DMXL2: variants seen among roughly 807,000 people sequenced by gnomAD.
DMXL2 encodes the protein dmX-like protein 2.
Under a neutral mutation model 331.1 loss-of-function variants are expected in DMXL2, and 103 were observed. The observed-to-expected ratio is 0.31, with a 90% CI of 0.27 to 0.37. DMXL2 has a LOEUF of 0.37. DMXL2 is among the 10% of genes least tolerant of loss of function. The pLI is 1.00. For missense variants in DMXL2, 3,171 were observed against 3,642.9 expected (o/e 0.87, Z 3.33); for synonymous variants, 1,281 against 1,252.1 (o/e 1.02, Z -0.49).
At chr15:51,492,866 A>G (rs1490667829) in intron 19 of DMXL2, among the ~76,000 whole-genome samples, 1 of 152,192 alleles carries the variant, frequency 6.6e-6, no homozygotes, top group African/African-American at 2.4e-5. Context: ...TGTTACACAT[A>G]ATTTTTTCCA....
intron 1 of DMXL2, among the ~76,000 whole-genome samples, chr15:51,581,006 G>A (rs2051372637): frequency 6.6e-6 from 1 of 152,118 alleles, no homozygotes; most frequent in Non-Finnish European, 1.5e-5. Flanking sequence ...GTGCGAATGT[G>A]TTTCTTTTCT....
intron 13 of DMXL2, among the ~76,000 whole-genome samples, chr15:51,532,026 T>C (rs578192995): frequency 1.3e-5 from 2 of 152,202 alleles, no homozygotes; most frequent in Non-Finnish European, 2.9e-5. Flanking sequence ...GCTGGGCACA[T>C]ACCCAAAAGA....
intron 3 of DMXL2, among the ~76,000 whole-genome samples, chr15:51,566,188 G>A (rs2050257433): frequency 6.6e-6 from 1 of 151,082 alleles, no homozygotes; most frequent in South Asian, 2.1e-4. Context: ...TTCCAGCCTG[G>A]GTCACAGAGC....
chr15:51,622,621 G>T lies in DMXL2; in HGVS notation c.-76C>A. On this transcript the variant is annotated 5_prime_UTR_variant, in exon 1 of 44. Transcript: ENST00000560891. ...GCCTGACCCTCCTCGGGCTGCGAGA[G>T]CCGTTTCCCTCTGTGCCTCCCTCGG... 1 of 1,492,472 alleles carries T rather than the reference G, an allele frequency of 6.7e-7. No individual in the cohort carries two copies. Among genetic ancestry groups the T allele is most frequent in the Non-Finnish European group, 9.0e-7 (1 of 1,115,594 alleles). The allele number at this position is 1,492,472 out of a possible 1,614,324, so 92.5% of individuals were successfully genotyped here.
chr15:51,583,106 C>CTTTTTTTTTTTTTTTTTT (rs57226377), intron 1 of DMXL2, among the ~76,000 whole-genome samples: 2 of 87,180 alleles, frequency 2.3e-5, no homozygotes, highest in African/African-American at 4.1e-5. Flanking sequence ...CTTCATTCTT[C>CTTTTTTTTTTTTTTTTTT]TTTTTTTTTT....
chr15:51,525,408 A>T (rs2047615002), intron 13 of DMXL2, among the ~76,000 whole-genome samples: 1 of 152,006 alleles, frequency 6.6e-6, no homozygotes, highest in Non-Finnish European at 1.5e-5. Flanking sequence ...AATTGGAGAG[A>T]AGCAGAGGCA....
At chr15:51,504,280 A>C (rs1342259804) in intron 16 of DMXL2, among the ~76,000 whole-genome samples, 1 of 152,242 alleles carries the variant, frequency 6.6e-6, no homozygotes, top group East Asian at 1.9e-4. Flanking sequence ...CCATGTAATT[A>C]GCTAGGGGCA....
At chr15:51,530,476 G>A (rs1430636497) in intron 13 of DMXL2, among the ~76,000 whole-genome samples, 1 of 151,978 alleles carries the variant, frequency 6.6e-6, no homozygotes, top group Non-Finnish European at 1.5e-5. Flanking sequence ...TCTCAGCTGG[G>A]CACAGTGGCT....
rs1445946893 is a variant in DMXL2 at position 51,545,750 on chromosome 15, C to T, written c.763G>A (p.Val255Met). 3 of 1,609,680 alleles carry T rather than the reference C, an allele frequency of 1.9e-6. No individual in the cohort carries two copies. The highest frequency in any genetic ancestry group is 1.7e-4 in the Middle Eastern group (1 of 6,038). ...KYMPRGSVCNVLLTSCHDGVC... is the reference protein window; with the variant it reads ...KYMPRGSVCNMLLTSCHDGVC... ...CCATCATGACATGAAGTTAACAACA[C>T]ATTACAGACAGAACCCCTAACAACA... Residue 255 changes from valine (V) to methionine (M), a missense_variant, in exon 8 of 44, where the codon GTG becomes ATG. Around this residue, in one of 7 missense-constraint regions of DMXL2, gnomAD observed 1,674 missense variants for 1,780.2 expected, o/e 0.94. Transcript: ENST00000560891.
rs146324925 is a variant in DMXL2 at position 51,552,451 on chromosome 15, A to C, written c.568-5043T>G. On this transcript the variant is annotated intron_variant, in intron 6 of 43. Transcript: ENST00000560891. ...GCTTCTGTGATCACTAAGATCATTA[A>C]AACTTTATGATTCCACAAAAGTTTC... 6.9e-3 allele frequency among the ~76,000 whole-genome samples: 1,048 copies of C among 152,328 alleles called. 16 individuals are homozygous for C. The highest frequency in any genetic ancestry group is 0.024 in the African/African-American group (1,008 of 41,562).
At chr15:51,537,811 T>C (rs751269610) in intron 10 of DMXL2, 52 bp from the exon 11 acceptor site, 10 of 1,507,496 alleles carry the variant, frequency 6.6e-6, no homozygotes, top group Admixed American at 2.0e-5. Flanking sequence ...TTCATTTACA[T>C]ACTAGACTAT....
rs146625172 is a variant in DMXL2 at position 51,474,486 on chromosome 15, C to A, written c.7071G>T (p.Leu2357Phe). 6.8e-6 allele frequency: 11 copies of A among 1,614,000 alleles called. No individual in the cohort carries two copies. The African/African-American group carries it at 1.5e-4, about 22-fold the overall frequency. ...AGGAATTTGTGGCAAGAGCATGTAT[C>A]AATAAACTTAAGTAAACAGCAACAA... ...EAVVAVYLSL[L>F]IHALATNSSS... Residue 2357 changes from leucine (L) to phenylalanine (F), a missense_variant, in exon 28 of 44, where the codon TTG (leucine) becomes TTT (phenylalanine). Physicochemically the swap from Leu to Phe is conservative, Grantham distance 22 (BLOSUM62 0). This residue lies in a region of DMXL2 where 766 missense variants were observed against 940.5 expected (regional missense o/e 0.81). Coordinates refer to ENST00000560891, the MANE Select transcript of DMXL2 (RefSeq NM_001378457.1).
chr15:51,477,350 G>A (rs933797342), intron 26 of DMXL2, among the ~76,000 whole-genome samples: 10 of 151,998 alleles, frequency 6.6e-5, no homozygotes, highest in African/African-American at 2.4e-4. Context: ...TAAAAACAAT[G>A]TATTTGCATT....
intron 1 of DMXL2, among the ~76,000 whole-genome samples, chr15:51,582,217 T>C (rs1460483745): frequency 6.6e-6 from 1 of 152,182 alleles, no homozygotes; most frequent in Non-Finnish European, 1.5e-5. Flanking sequence ...AATCCCACCT[T>C]AATATTTTTG....
At chr15:51,615,387 C>T (rs527294114) in intron 1 of DMXL2, among the ~76,000 whole-genome samples, 1 of 152,246 alleles carries the variant, frequency 6.6e-6, no homozygotes, top group East Asian at 1.9e-4. Context: ...AGATGCAAAC[C>T]GTAAGGTACA....
intron 1 of DMXL2, among the ~76,000 whole-genome samples, chr15:51,587,378 G>C (rs1010328837): frequency 4.0e-5 from 6 of 151,390 alleles, no homozygotes; most frequent in Non-Finnish European, 7.4e-5. Flanking sequence ...TCCATGTGTT[G>C]TCATTGTTCA....
chr15:51,466,285 A>G lies in DMXL2; in HGVS notation c.7419T>C (p.Gly2473=). Residue 2473 remains glycine (G), a synonymous_variant, in exon 30 of 44, where the codon GGT becomes GGC. Coordinates refer to ENST00000560891, the MANE Select transcript of DMXL2 (RefSeq NM_001378457.1). The part of the protein sequence containing the change: ...AKPFLPLSDS[G]VIYDSDESIH... ...TGCTTTCATCAGAATCATATATAAC[A>G]CCACTATCAGACAAAGGAAGAAATG... The G allele has an allele frequency of 6.8e-7, 1 of 1,480,312 alleles. No individual in the cohort carries two copies. The highest frequency in any genetic ancestry group is 9.0e-7 in the Non-Finnish European group (1 of 1,111,460). 91.7% of individuals were successfully genotyped at this position (1,480,312 alleles called of 1,614,324 possible).
intron 32 of DMXL2, among the ~76,000 whole-genome samples, chr15:51,464,280 T>G (rs1380526632): frequency 6.6e-6 from 1 of 152,160 alleles, no homozygotes; most frequent in African/African-American, 2.4e-5. Context: ...TCGCCTGTTG[T>G]TCCAGCTACT....
In DMXL2 at chr15:51,491,623, T is replaced by C. The variant is rs10851500; in HGVS notation, c.4908A>G (p.Gly1636=). The C allele has an allele frequency of 0.51, 814,945 of 1,611,438 alleles. 207,234 individuals are homozygous for C. Among genetic ancestry groups the C allele is most frequent in the Non-Finnish European group, 0.52 (609,568 of 1,178,734 alleles). The change falls in exon 20 of 44, where the codon GGA becomes GGG. Residue 1636 remains glycine (G), a synonymous_variant. Coordinates refer to ENST00000560891, the MANE Select transcript of DMXL2 (RefSeq NM_001378457.1). Reference sequence around the variant, plus strand: ...GCGTGTTAATGTTCCTCACCCACCATCCTATGCCCATAGCTCTTAATTCAG... The same window carrying C: ...GCGTGTTAATGTTCCTCACCCACCACCCTATGCCCATAGCTCTTAATTCAG... ...QWSELRAMGI[G]WWVRNINTLR...
Sources: allele counts gnomAD v4.1 joint callset (sites outside exome capture counted in the v4.1 genomes callset), GRCh38; gene constraint gnomAD v4.1.1; regional missense constraint gnomAD v4.1.1; transcripts MANE v1.5; gene names NCBI Gene and HGNC (gene_info 2026-07-23, HGNC 2026-07-21).